PMFBP1: variants seen among roughly 807,000 people sequenced by gnomAD.
PMFBP1 encodes polyamine modulated factor 1 binding protein 1.
In PMFBP1, 131 loss-of-function variants were observed where a neutral mutation model predicts 137.8. The ratio of observed to expected loss-of-function variants is 0.95; its 90% CI spans 0.82 to 1.10. PMFBP1 has a LOEUF of 1.10. Ranked by LOEUF, PMFBP1 falls within the 50% of genes least tolerant of loss-of-function variation. The probability of loss-of-function intolerance (pLI) is 0.00; values close to 1 mark genes in which losing one functional copy is unlikely to be tolerated. For missense variants in PMFBP1, 1,199 were observed against 1,175.4 expected, an observed-to-expected ratio of 1.02 and a Z score of -0.29; for synonymous variants, 490 against 450.4, an observed-to-expected ratio of 1.09 and a Z score of -1.11.
At chr16:72,187,124 AAAT>A in the PMFBP1 span, among the ~76,000 whole-genome samples, 1 of 151,708 alleles carries the variant, frequency 6.6e-6, no homozygotes, top group Non-Finnish European at 1.5e-5. Flanking sequence ...AAAAAAAAAA[AAAT>A]AAATAAAAAA....
At chr16:72,239,757 T>C in the PMFBP1 span, among the ~76,000 whole-genome samples, 3 of 151,740 alleles carry the variant, frequency 2.0e-5, no homozygotes, top group Non-Finnish European at 2.9e-5. Context: ...CTGGGTGTGG[T>C]GGCATGTGCC....
chr16:72,159,681 C>G (rs555030489), intron 3 of PMFBP1, among the ~76,000 whole-genome samples: 1 of 152,292 alleles, frequency 6.6e-6, no homozygotes, highest in Admixed American at 6.5e-5. Flanking sequence ...ATTTATCCTT[C>G]TAAATTCTAA....
At chr16:72,184,972 G>C in the PMFBP1 span, among the ~76,000 whole-genome samples, 7 of 151,786 alleles carry the variant, frequency 4.6e-5, no homozygotes, top group Non-Finnish European at 8.8e-5. Context: ...TTGCTCTCAA[G>C]GTAAAGTGTT....
chr16:72,142,888 GC>G (rs2042744799), intron 5 of PMFBP1, among the ~76,000 whole-genome samples: 1 of 152,090 alleles, frequency 6.6e-6, no homozygotes, highest in Non-Finnish European at 1.5e-5. Flanking sequence ...ACACCAATAT[GC>G]AAGGAAAGCA....
chr16:72,128,918 C>T (rs1203558012), intron 13 of PMFBP1, 124 bp from the exon 14 acceptor site: 39 of 1,505,366 alleles, frequency 2.6e-5, no homozygotes, highest in Middle Eastern at 3.5e-4. Context: ...CAGGCATTCT[C>T]GCTCCCCTCC....
rs778087126 is a variant in PMFBP1 at position 72,123,705 on chromosome 16, C to T, written c.2590-56G>A. 11 of 1,494,338 alleles carry T rather than the reference C, an allele frequency of 7.4e-6. No individual in the cohort carries two copies. The East Asian group carries it at 1.1e-4, about 15-fold the overall frequency. 92.6% of individuals were successfully genotyped at this position (1,494,338 alleles called of 1,614,324 possible). On this transcript the variant is annotated intron_variant, in intron 17 of 20. Transcript: ENST00000237353. ...GAGGTGGGAGCACAGGCCTGTCAGCCCTCCTTCCGAGTCAGGCCTCTTCTA... is the reference window on the plus strand; with the variant it reads ...GAGGTGGGAGCACAGGCCTGTCAGCTCTCCTTCCGAGTCAGGCCTCTTCTA...
At chr16:72,132,606 G>T in intron 10 of PMFBP1, 142 bp downstream of exon 10, 1 of 1,351,238 alleles carries the variant, frequency 7.4e-7, no homozygotes, top group Non-Finnish European at 1.0e-6. Flanking sequence ...GTGAGGTATA[G>T]GATGAGGCCC....
the PMFBP1 span, among the ~76,000 whole-genome samples, chr16:72,209,752 C>G: frequency 6.6e-6 from 1 of 152,198 alleles, no homozygotes; most frequent in Non-Finnish European, 1.5e-5. Context: ...GTTGACCACA[C>G]ACAAGCTGGG....
chr16:72,125,881 G>A (rs887400480), intron 15 of PMFBP1, 87 bp downstream of exon 15: 3 of 1,486,552 alleles, frequency 2.0e-6, no homozygotes, highest in Non-Finnish European at 1.8e-6. Context: ...CAGTCAATAG[G>A]CAGGAAATTG....
chr16:72,248,755 T>C, the PMFBP1 span, among the ~76,000 whole-genome samples: 1 of 152,138 alleles, frequency 6.6e-6, no homozygotes, highest in Non-Finnish European at 1.5e-5. Flanking sequence ...AGGCGCCCAA[T>C]GAAGTTGAGA....
At chr16:72,174,338 G>A (rs933506912), upstream of PMFBP1, among the ~76,000 whole-genome samples, 2 of 152,190 alleles carry the variant, frequency 1.3e-5, no homozygotes, top group African/African-American at 4.8e-5. Flanking sequence ...AAAGCACCAC[G>A]ACTTTCAGGT....
the PMFBP1 span, among the ~76,000 whole-genome samples, chr16:72,189,995 AG>A: frequency 6.6e-6 from 1 of 152,146 alleles, no homozygotes; most frequent in Non-Finnish European, 1.5e-5. Flanking sequence ...GCAGTCAGTC[AG>A]TTGTTAGAAT....
chr16:72,129,303 A>G (rs1597462594), intron 12 of PMFBP1, 70 bp from the exon 13 acceptor site: 3 of 1,517,070 alleles, frequency 2.0e-6, no homozygotes, highest in South Asian at 1.2e-5. Flanking sequence ...AATACAGACA[A>G]TTGCACACAG....
At chr16:72,183,441 T>C in the PMFBP1 span, among the ~76,000 whole-genome samples, 1 of 152,266 alleles carries the variant, frequency 6.6e-6, no homozygotes, top group African/African-American at 2.4e-5. Flanking sequence ...CCACCTTTGG[T>C]GCTCCTTGGC....
intron 7 of PMFBP1, among the ~76,000 whole-genome samples, chr16:72,138,129 T>C (rs2042661526): frequency 6.6e-6 from 1 of 152,182 alleles, no homozygotes; most frequent in South Asian, 2.1e-4. Context: ...AGATTTTTGC[T>C]CTAGGTCAGG....
chr16:72,170,593 C>A (rs192827088), intron 2 of PMFBP1, among the ~76,000 whole-genome samples: 4 of 152,154 alleles, frequency 2.6e-5, no homozygotes, highest in Non-Finnish European at 1.5e-5. Flanking sequence ...CCACACCTGG[C>A]TAATTTTTTT....
the PMFBP1 span, among the ~76,000 whole-genome samples, chr16:72,199,653 C>CAAAAAAA: frequency 1.2e-5 from 1 of 82,432 alleles, no homozygotes; most frequent in Admixed American, 1.4e-4. Flanking sequence ...GACTCCGTCT[C>CAAAAAAA]AAAAAAAAAA....
At chr16:72,155,736 A>G (rs547689689) in intron 3 of PMFBP1, among the ~76,000 whole-genome samples, 1 of 152,316 alleles carries the variant, frequency 6.6e-6, no homozygotes, top group African/African-American at 2.4e-5. Flanking sequence ...AAATGCAACC[A>G]TTGTTAAGTG....
chr16:72,247,885 C>G, the PMFBP1 span, among the ~76,000 whole-genome samples: 1 of 152,288 alleles, frequency 6.6e-6, no homozygotes, highest in Admixed American at 6.5e-5. Flanking sequence ...AAGGAGGACA[C>G]TTACTCATAT....
Sources: gnomAD v4.1 joint callset for allele counts (sites outside exome capture counted in the v4.1 genomes callset) on GRCh38, gnomAD v4.1.1 for gene constraint, MANE v1.5 for transcripts, NCBI Gene and HGNC (gene_info 2026-07-23, HGNC 2026-07-21) for gene names.